ATXN1: variants seen among roughly 807,000 people sequenced by gnomAD.
ATXN1 encodes the protein ataxin-1.
Under a neutral mutation model 56.4 loss-of-function variants are expected in ATXN1, and 8 were observed. The ratio of observed to expected loss-of-function variants is 0.14; its 90% confidence interval spans 0.08 to 0.26. The LOEUF (loss-of-function observed/expected upper bound fraction) is 0.26. Ranked by LOEUF, ATXN1 falls within the 10% of genes least tolerant of loss-of-function variation. The probability of loss-of-function intolerance (pLI) is 1.00; values close to 1 mark genes in which losing one functional copy is unlikely to be tolerated. For missense variants in ATXN1, 987 were observed against 1,106.5 expected (o/e 0.89, Z 1.53); for synonymous variants, 514 against 494.6 (o/e 1.04, Z -0.52).
chr6:16,385,188 C>T (rs1758212538), intron 6 of ATXN1, among the ~76,000 whole-genome samples: 1 of 152,068 alleles, frequency 6.6e-6, no homozygotes, highest in South Asian at 2.1e-4. Flanking sequence ...GTATGGCATG[C>T]CAGGAGGGGA....
At chr6:16,497,663 C>T (rs1017091177) in intron 5 of ATXN1, among the ~76,000 whole-genome samples, 1 of 152,166 alleles carries the variant, frequency 6.6e-6, no homozygotes, top group African/African-American at 2.4e-5. Flanking sequence ...GTGCAATGGA[C>T]GAGTCCAGCC....
intron 6 of ATXN1, among the ~76,000 whole-genome samples, chr6:16,384,682 T>A (rs1758201696): frequency 6.6e-6 from 1 of 152,134 alleles, no homozygotes; most frequent in African/African-American, 2.4e-5. Context: ...TCTCATGAGA[T>A]CTGGTTGTTT....
intron 6 of ATXN1, among the ~76,000 whole-genome samples, chr6:16,407,831 G>C (rs1321080583): frequency 6.6e-6 from 1 of 152,216 alleles, no homozygotes; most frequent in Non-Finnish European, 1.5e-5. Context: ...TGTTCTGTTT[G>C]TGTGGAGGCC....
chr6:16,421,012 G>A (rs1397971880), intron 6 of ATXN1, among the ~76,000 whole-genome samples: 4 of 152,190 alleles, frequency 2.6e-5, no homozygotes, highest in Non-Finnish European at 4.4e-5. Context: ...GTTTATGGTA[G>A]GAAAACTGCT....
intron 4 of ATXN1, among the ~76,000 whole-genome samples, chr6:16,543,091 C>T (rs1761746390): frequency 6.6e-6 from 1 of 152,130 alleles, no homozygotes; most frequent in Non-Finnish European, 1.5e-5. Flanking sequence ...TGCATAAAAT[C>T]ACAGCATGTC....
rs960653990 is a variant in ATXN1, at chr6:16,300,355, G to A, written c.*5974C>T. 1.3e-5 allele frequency: 2 copies of A among 152,534 alleles called. No homozygotes were observed. The highest frequency in any genetic ancestry group is 2.9e-5 in the Non-Finnish European group (2 of 68,026). 9.4% of individuals were successfully genotyped at this position (152,534 alleles called of 1,614,324 possible). On this transcript the variant is annotated 3_prime_UTR_variant, in exon 8 of 8. Transcript: ENST00000436367. ...ATGGGGACATGAAAAACTGAAGCCGGTGTTCCCTCCCGCCATTACACAGGA... is the reference window on the plus strand; with the variant it reads ...ATGGGGACATGAAAAACTGAAGCCGATGTTCCCTCCCGCCATTACACAGGA...
chr6:16,700,945 A>G (rs7739138), intron 2 of ATXN1, among the ~76,000 whole-genome samples: 50,432 of 151,612 alleles, frequency 0.33, 9,057 homozygotes, highest in African/African-American at 0.45. Flanking sequence ...AGCACCTTTA[A>G]ACTCTGGAAT....
At chr6:16,427,406 C>T (rs958662537) in intron 6 of ATXN1, among the ~76,000 whole-genome samples, 4 of 152,156 alleles carry the variant, frequency 2.6e-5, no homozygotes, top group East Asian at 1.9e-4. Flanking sequence ...ATTAGAATCA[C>T]GGAGGTAAAT....
At chr6:16,639,682 G>T (rs1763672239) in intron 3 of ATXN1, among the ~76,000 whole-genome samples, 1 of 152,170 alleles carries the variant, frequency 6.6e-6, no homozygotes, top group Admixed American at 6.5e-5. Context: ...ACCAGCAGCA[G>T]CCATTGTTCT....
intron 6 of ATXN1, among the ~76,000 whole-genome samples, chr6:16,343,201 C>T (rs757333461): frequency 6.6e-6 from 1 of 152,016 alleles, no homozygotes; most frequent in Non-Finnish European, 1.5e-5. Flanking sequence ...AAAAATTAGC[C>T]GGGCGTGGTG....
chr6:16,468,379 C>T (rs1250521274), intron 6 of ATXN1, among the ~76,000 whole-genome samples: 3 of 152,002 alleles, frequency 2.0e-5, no homozygotes, highest in Non-Finnish European at 4.4e-5. Flanking sequence ...TTAGTAGAGA[C>T]GGGGTTTCAC....
chr6:16,313,439 G>T (rs1304165702), intron 7 of ATXN1, among the ~76,000 whole-genome samples: 1 of 152,090 alleles, frequency 6.6e-6, no homozygotes, highest in Non-Finnish European at 1.5e-5. Flanking sequence ...ACAGGCCTTA[G>T]AATTAAATGC....
At chr6:16,586,423 C>T (rs1227217137) in intron 3 of ATXN1, among the ~76,000 whole-genome samples, 1 of 152,180 alleles carries the variant, frequency 6.6e-6, no homozygotes, top group Admixed American at 6.5e-5. Flanking sequence ...TTGTTAATAA[C>T]TCAGTTAAGA....
chr6:16,392,874 C>T (rs1758383852), intron 6 of ATXN1, among the ~76,000 whole-genome samples: 1 of 152,178 alleles, frequency 6.6e-6, no homozygotes, highest in Non-Finnish European at 1.5e-5. Context: ...ATCATGATCA[C>T]CTGTAAACTT....
rs192810941 is a variant in ATXN1, at chr6:16,371,242, T to G, written c.-160-42772A>C. Among the ~76,000 whole-genome samples, 589 of 152,290 alleles carry G rather than the reference T, an allele frequency of 3.9e-3. 3 individuals are homozygous for G. The highest frequency in any genetic ancestry group is 7.0e-3 in the Non-Finnish European group (478 of 68,018). ...ACACAAATATTTTGTTAATTAAAAA[T>G]GAGTACCTATTTGAACACTTATGTG... On this transcript the variant is annotated intron_variant, in intron 6 of 7. Coordinates refer to ENST00000436367, the MANE Select transcript of ATXN1 (RefSeq NM_001128164.2).
intron 6 of ATXN1, among the ~76,000 whole-genome samples, chr6:16,406,773 T>C (rs1022854796): frequency 2.6e-5 from 4 of 152,232 alleles, no homozygotes. Flanking sequence ...CTCCTTCCTT[T>C]GTTCTCTTCT....
chr6:16,465,147 A>G (rs1760077819), intron 6 of ATXN1, among the ~76,000 whole-genome samples: 1 of 152,240 alleles, frequency 6.6e-6, no homozygotes, highest in South Asian at 2.1e-4. Flanking sequence ...GATACTAGCT[A>G]GAGCCAAGTG....
At chr6:16,481,541 T>A (rs903328530) in intron 6 of ATXN1, among the ~76,000 whole-genome samples, 16 of 152,204 alleles carry the variant, frequency 1.1e-4, no homozygotes, top group African/African-American at 3.4e-4. Flanking sequence ...AAGTAATGCC[T>A]GCACTCAGAG....
intron 2 of ATXN1, among the ~76,000 whole-genome samples, chr6:16,701,518 T>C (rs572076543): frequency 6.6e-6 from 1 of 152,294 alleles, no homozygotes; most frequent in African/African-American, 2.4e-5. Context: ...TAAAGAGTAT[T>C]CAATTAGGAA....
Sources: allele counts gnomAD v4.1 joint callset (sites outside exome capture counted in the v4.1 genomes callset), GRCh38; gene constraint gnomAD v4.1.1; transcripts MANE v1.5; gene names NCBI Gene and HGNC (gene_info 2026-07-23, HGNC 2026-07-21).